Variants in PSMA5 observed in about 807,000 individuals in gnomAD.
PSMA5 encodes the protein proteasome subunit alpha type-5.
Under a neutral mutation model 34.5 loss-of-function variants are expected in PSMA5, and 3 were observed. The ratio of observed to expected loss-of-function variants is 0.09; its 90% confidence interval spans 0.04 to 0.22. The LOEUF (loss-of-function observed/expected upper bound fraction) is 0.22. Ranked by LOEUF, PSMA5 falls within the 10% of genes least tolerant of loss-of-function variation. PSMA5 has a pLI of 1.00. For synonymous variants in PSMA5, 88 were observed against 95.8 expected, an observed-to-expected ratio of 0.92 and a Z score of 0.47; for missense variants, 120 against 286.1, an observed-to-expected ratio of 0.42 and a Z score of 4.19.
intron 8 of PSMA5, among the ~76,000 whole-genome samples, chr1:109,404,423 A>T (rs1424458715): frequency 1.3e-5 from 2 of 152,232 alleles, no homozygotes; most frequent in Non-Finnish European, 2.9e-5. Context: ...AATAATCTAA[A>T]GAGTGAGGGC....
In PSMA5 at chr1:109,401,798, TAAA is replaced by T. The variant is rs11314171; in HGVS notation, c.*212_*214del. ...GGCAATATAGTGAGACCTCATCTCT[TAAA>T]AAAAAAAAAAAAAAAAAGACTATTA... On this transcript the variant is annotated 3_prime_UTR_variant, in exon 9 of 9. Transcript: ENST00000271308. 1,908 of 202,624 alleles carry T rather than the reference TAAA, an allele frequency of 9.4e-3. No individual in the cohort carries two copies. The highest frequency in any genetic ancestry group is 0.018 in the Middle Eastern group (11 of 628). The allele number at this position is 202,624 out of a possible 1,614,324, so 12.6% of individuals were successfully genotyped here.
Position 109,401,902 on chromosome 1 carries a change from A to T in PSMA5, c.*111T>A, listed in dbSNP as rs920454595. On this transcript the variant is annotated 3_prime_UTR_variant, in exon 9 of 9. Coordinates refer to ENST00000271308, the MANE Select transcript of PSMA5 (RefSeq NM_002790.4). The stretch of plus-strand genomic sequence containing the variant: ...CTGCCTTTATGTACAGACATCATTT[A>T]AAAAATGCACATACAATGGAGATTT... The T allele has an allele frequency of 3.3e-5, 27 of 817,224 alleles. No homozygotes were observed. Among genetic ancestry groups the T allele is most frequent in the Admixed American group, 1.5e-4 (6 of 39,130 alleles). The allele number at this position is 817,224 out of a possible 1,614,324, so 50.6% of individuals were successfully genotyped here.
intron 8 of PSMA5, among the ~76,000 whole-genome samples, chr1:109,403,473 A>C (rs4970846): frequency 0.69 from 103,933 of 149,596 alleles, 36,625 homozygotes; most frequent in East Asian, 0.95. Flanking sequence ...AAAAAAAAAA[A>C]CCCCAAAAAC....
intron 8 of PSMA5, among the ~76,000 whole-genome samples, chr1:109,404,439 G>C (rs1288279342): frequency 6.6e-6 from 1 of 152,166 alleles, no homozygotes; most frequent in Non-Finnish European, 1.5e-5. Context: ...AGGGCCTAAA[G>C]AATTTCACTC....
At chr1:109,409,741 C>T (rs1220219381) in intron 8 of PSMA5, among the ~76,000 whole-genome samples, 187 bp downstream of exon 8, 2 of 151,952 alleles carry the variant, frequency 1.3e-5, no homozygotes, top group Admixed American at 6.6e-5. Flanking sequence ...CAGCAAGACC[C>T]CATCTCTAAA....
In PSMA5 at chr1:109,400,268, A is replaced by C. The variant is rs1358493266; in HGVS notation, c.*1745T>G. 6.6e-6 allele frequency: 1 copy of C among 152,216 alleles called. No individual in the cohort carries two copies. Among genetic ancestry groups the C allele is most frequent in the Non-Finnish European group, 1.5e-5 (1 of 68,036 alleles). 9.4% of individuals were successfully genotyped at this position (152,216 alleles called of 1,614,324 possible). A position where few individuals can be genotyped will look rare whatever the true frequency, so the allele number is the denominator to read the frequency against. On this transcript the variant is annotated 3_prime_UTR_variant, in exon 9 of 9. Transcript: ENST00000271308. Reference sequence around the variant, plus strand: ...TCAGAGACACAACTCACCTCTCCCAAAAGCAACATGGGCTTTATCCATTTC... The same window carrying C: ...TCAGAGACACAACTCACCTCTCCCACAAGCAACATGGGCTTTATCCATTTC...
rs143506203 is a variant in PSMA5 at position 109,399,158 on chromosome 1, G to C, written c.*2855C>G. ...CGATATTTACATTAAAATATTTCCA[G>C]TCACATTAACTTTCAAACAAAAAGA... On this transcript the variant is annotated 3_prime_UTR_variant, in exon 9 of 9. Coordinates refer to ENST00000271308, the MANE Select transcript of PSMA5 (RefSeq NM_002790.4). The C allele has an allele frequency of 2.0e-5, 3 of 152,292 alleles. No homozygotes were observed. The highest frequency in any genetic ancestry group is 7.2e-5 in the African/African-American group (3 of 41,552). The allele number at this position is 152,292 out of a possible 1,614,324, so 9.4% of individuals were successfully genotyped here.
chr1:109,415,244 A>G lies in PSMA5; in HGVS notation c.216T>C (p.Ala72=). 1 of 1,613,060 alleles carries G rather than the reference A, an allele frequency of 6.2e-7. No individual in the cohort carries two copies. The highest frequency in any genetic ancestry group is 1.3e-5 in the African/African-American group (1 of 75,040). ...SSIEKIVEID[A]HIGCAMSGLI... ...CTTTCCTCCACTCCTTACCTATGTG[A>G]GCATCAATCTCTACAATTTTCTCAA... The change falls in exon 3 of 9, where the codon GCT becomes GCC. Residue 72 remains alanine (A), a synonymous_variant. Coordinates refer to ENST00000271308, the MANE Select transcript of PSMA5 (RefSeq NM_002790.4).
chr1:109,410,475 T>A (rs1369470735), intron 7 of PSMA5, among the ~76,000 whole-genome samples: 1 of 152,198 alleles, frequency 6.6e-6, no homozygotes, highest in Non-Finnish European at 1.5e-5. Context: ...TGAGCAGGCA[T>A]CCCTGTATGA....
At chr1:109,406,974 G>C (rs1435218660) in intron 8 of PSMA5, among the ~76,000 whole-genome samples, 4 of 152,152 alleles carry the variant, frequency 2.6e-5, no homozygotes, top group Admixed American at 6.5e-5. Context: ...AAAGATGTAA[G>C]ATGTAACTTG....
chr1:109,414,814 G>A (rs1161159137), intron 3 of PSMA5: 2 of 154,770 alleles, frequency 1.3e-5, no homozygotes, highest in African/African-American at 2.4e-5. Context: ...TACTCACCCT[G>A]TAATACTATT....
intron 1 of PSMA5, chr1:109,425,581 TAA>T (rs1322438889): frequency 6.6e-6 from 1 of 152,202 alleles, no homozygotes; most frequent in African/African-American, 2.4e-5. Flanking sequence ...TCCCTGACTT[TAA>T]AAAAGAGTAG....
intron 8 of PSMA5, among the ~76,000 whole-genome samples, chr1:109,406,768 C>T (rs1653777696): frequency 6.6e-6 from 1 of 152,096 alleles, no homozygotes; most frequent in South Asian, 2.1e-4. Flanking sequence ...TACAAAGGGA[C>T]ATGAGAGAAC....
At chr1:109,415,415 C>A (rs1654149241) in intron 2 of PSMA5, 52 bp from the exon 3 acceptor site, 1 of 1,544,746 alleles carries the variant, frequency 6.5e-7, no homozygotes, top group Non-Finnish European at 8.8e-7. Flanking sequence ...AACTGTCTTA[C>A]ATACTCACCA....
At chr1:109,411,768 G>T (rs1653999788) in intron 6 of PSMA5, 109 bp downstream of exon 6, 15 of 1,065,470 alleles carry the variant, frequency 1.4e-5, no homozygotes, top group Non-Finnish European at 2.1e-5. Flanking sequence ...GGGACTACAG[G>T]TGTGTGCTAA....
chr1:109,410,523 A>G (rs1653948741), intron 7 of PSMA5, among the ~76,000 whole-genome samples: 1 of 152,218 alleles, frequency 6.6e-6, no homozygotes, highest in East Asian at 1.9e-4. Context: ...AATCACACCA[A>G]TGAGTTACCC....
intron 2 of PSMA5, among the ~76,000 whole-genome samples, chr1:109,419,526 C>A (rs565166040): frequency 1.3e-5 from 2 of 152,106 alleles, no homozygotes; most frequent in South Asian, 4.2e-4. Context: ...AAACTTAGGC[C>A]AGGCGCGGTG....
At chr1:109,406,845 G>T (rs898306059) in intron 8 of PSMA5, among the ~76,000 whole-genome samples, 2 of 152,042 alleles carry the variant, frequency 1.3e-5, no homozygotes, top group South Asian at 2.1e-4. Context: ...GTCAACATCC[G>T]CTGAATTGTA....
chr1:109,409,542 T>C (rs946657100), intron 8 of PSMA5, among the ~76,000 whole-genome samples: 1 of 152,246 alleles, frequency 6.6e-6, no homozygotes, highest in African/African-American at 2.4e-5. Context: ...AATAATTTCT[T>C]AGGAACTAAA....
Sources: allele counts gnomAD v4.1 joint callset (sites outside exome capture counted in the v4.1 genomes callset), GRCh38; gene constraint gnomAD v4.1.1; transcripts MANE v1.5; gene names NCBI Gene and HGNC (gene_info 2026-07-23, HGNC 2026-07-21).